Variants in ZDHHC17 observed in about 807,000 individuals in gnomAD.
ZDHHC17 encodes zDHHC palmitoyltransferase 17.
ZDHHC17 carries 40 observed loss-of-function variants against 90.3 expected under a neutral mutation model. The observed-to-expected ratio is 0.44, with a 90% CI of 0.34 to 0.58. The LOEUF is 0.58. Ranked by LOEUF, ZDHHC17 falls within the 20% of genes least tolerant of loss-of-function variation. The pLI, the probability that ZDHHC17 is intolerant of heterozygous loss-of-function variation, is 0.01. For missense variants in ZDHHC17, 614 were observed against 780.8 expected, an observed-to-expected ratio of 0.79 and a Z score of 2.55; for synonymous variants, 235 against 252.4, an observed-to-expected ratio of 0.93 and a Z score of 0.65.
chr12:76,828,220 A>G (rs1394422449), intron 9 of ZDHHC17, among the ~76,000 whole-genome samples, 170 bp from the exon 10 acceptor site: 2 of 152,168 alleles, frequency 1.3e-5, no homozygotes, highest in African/African-American at 4.8e-5. Flanking sequence ...TGAGTCTTTC[A>G]GCTGTGAACT....
chr12:76,780,946 T>G (rs1427240517), intron 1 of ZDHHC17, among the ~76,000 whole-genome samples: 3 of 150,154 alleles, frequency 2.0e-5, no homozygotes, highest in Non-Finnish European at 4.4e-5. Context: ...GCTAACACAG[T>G]GAAACACCGT....
intron 1 of ZDHHC17, among the ~76,000 whole-genome samples, chr12:76,783,318 G>C (rs11115356): frequency 0.011 from 1,683 of 152,326 alleles, 11 homozygotes; most frequent in Non-Finnish European, 0.017. Flanking sequence ...AGTGCCACAT[G>C]GCTGGGGAGG....
At position 76,764,291 on chromosome 12, in the gene ZDHHC17, G is replaced by T; in HGVS notation, c.55G>T (p.Asp19Tyr). The change falls in exon 1 of 17, where the codon GAT becomes TAT. Residue 19 changes from aspartate to tyrosine, a missense_variant. Physicochemically the swap from Asp to Tyr is radical, Grantham distance 160 (BLOSUM62 -3). Transcript: ENST00000426126. ...TKMADGPDEY[D>Y]TEAGCVPLLH... is the part of the protein sequence containing the mutation. ...GATGGCGGACGGCCCGGATGAGTAC[G>T]ATACCGAAGCGGGCTGTGTGCCCCT... is the stretch of plus-strand genomic sequence containing the variant. The T allele has an allele frequency of 6.2e-7, 1 of 1,606,960 alleles. No individual in the cohort carries two copies.
chr12:76,775,107 G>A (rs958321881), intron 1 of ZDHHC17, among the ~76,000 whole-genome samples: 10 of 152,182 alleles, frequency 6.6e-5, no homozygotes, highest in Non-Finnish European at 1.0e-4. Flanking sequence ...GGACCACCAT[G>A]CCCGGCCTCT....
At chr12:76,779,832 TA>T (rs1310047114) in intron 1 of ZDHHC17, among the ~76,000 whole-genome samples, 1 of 152,190 alleles carries the variant, frequency 6.6e-6, no homozygotes, top group Non-Finnish European at 1.5e-5. Context: ...AATTTTGAGT[TA>T]ATTTTTGTAT....
chr12:76,794,328 T>C (rs1321052383), intron 1 of ZDHHC17, among the ~76,000 whole-genome samples: 2 of 152,220 alleles, frequency 1.3e-5, no homozygotes, highest in Admixed American at 6.5e-5. Flanking sequence ...AAATATGTTT[T>C]ATAATTAGAA....
chr12:76,780,577 G>T (rs963462065), intron 1 of ZDHHC17, among the ~76,000 whole-genome samples: 2 of 152,196 alleles, frequency 1.3e-5, no homozygotes, highest in Admixed American at 1.3e-4. Context: ...AAAGTTGTCT[G>T]TACTTGCTGT....
In ZDHHC17 at chr12:76,822,473, C is replaced by G; in HGVS notation, c.839C>G (p.Ala280Gly). The G allele has an allele frequency of 6.2e-7, 1 of 1,612,392 alleles. No homozygotes were observed. Among genetic ancestry groups the G allele is most frequent in the East Asian group, 2.2e-5 (1 of 44,800 alleles). Residue 280 changes from alanine to glycine, a missense_variant, in exon 8 of 17, where the codon GCA (alanine) becomes GGA (glycine). Transcript: ENST00000426126. ...TGGATGATCAACCACTTACAAGAGG[C>G]AAGGCAAGCAAAAGGATATGACAAT... Reference protein sequence around the residue: ...NVWMINHLQEARQAKGYDNPS... With the variant: ...NVWMINHLQEGRQAKGYDNPS...
chr12:76,775,224 A>G (rs1952545630), intron 1 of ZDHHC17, among the ~76,000 whole-genome samples: 1 of 152,224 alleles, frequency 6.6e-6, no homozygotes, highest in Admixed American at 6.5e-5. Context: ...TTGTTTTCTG[A>G]AAACTGTTGA....
chr12:76,817,931 C>G (rs972810256), intron 7 of ZDHHC17, among the ~76,000 whole-genome samples: 3 of 152,014 alleles, frequency 2.0e-5, no homozygotes, highest in Non-Finnish European at 4.4e-5. Context: ...GTAGTTCATG[C>G]GAATACTTTC....
intron 13 of ZDHHC17, 136 bp from the exon 14 acceptor site, chr12:76,846,460 C>A: frequency 1.6e-6 from 1 of 608,990 alleles, no homozygotes; most frequent in Non-Finnish European, 2.8e-6. Context: ...TTCCTGAAAA[C>A]CACTTTATAA....
intron 2 of ZDHHC17, 114 bp from the exon 3 acceptor site, chr12:76,805,203 T>C: frequency 9.8e-7 from 1 of 1,018,548 alleles, no homozygotes; most frequent in Non-Finnish European, 1.4e-6. Flanking sequence ...TGTTGAGAAA[T>C]ACATTTTAAT....
intron 5 of ZDHHC17, among the ~76,000 whole-genome samples, chr12:76,812,103 T>G (rs1220505430): frequency 6.6e-6 from 1 of 152,144 alleles, no homozygotes; most frequent in African/African-American, 2.4e-5. Flanking sequence ...ATACACATAT[T>G]CAAACACTTC....
chr12:76,804,697 G>T (rs538778868), intron 2 of ZDHHC17, among the ~76,000 whole-genome samples: 3 of 152,318 alleles, frequency 2.0e-5, no homozygotes, highest in African/African-American at 7.2e-5. Context: ...TGGGAAGATT[G>T]CAACCCCATA....
At chr12:76,815,258 C>A in intron 6 of ZDHHC17, 48 bp downstream of exon 6, 1 of 1,309,180 alleles carries the variant, frequency 7.6e-7, no homozygotes, top group Non-Finnish European at 1.1e-6. Context: ...CAGCATAATA[C>A]AATATGAAGT....
chr12:76,842,705 G>C lies in ZDHHC17; in HGVS notation c.1267-214G>C, dbSNP rs138165760. ...ACTAAGACAATGGCAGATTCTTATG[G>C]TCTAATCCCCTTTTTTCTGGGCAGC... On this transcript the variant is annotated intron_variant, in intron 11 of 16. Transcript: ENST00000426126. Among the ~76,000 whole-genome samples, 560 of 152,148 alleles carry C rather than the reference G, an allele frequency of 3.7e-3. 6 individuals are homozygous for C. The highest frequency in any genetic ancestry group is 0.012 in the African/African-American group (511 of 41,532).
chr12:76,849,223 G>T (rs1411258125), intron 15 of ZDHHC17, among the ~76,000 whole-genome samples, 153 bp from the exon 16 acceptor site: 4 of 146,816 alleles, frequency 2.7e-5, no homozygotes, highest in Admixed American at 6.8e-5. Flanking sequence ...GTTTTGGGGT[G>T]GGGGGAGGTG....
intron 8 of ZDHHC17, 80 bp from the exon 9 acceptor site, chr12:76,826,828 C>A: frequency 7.2e-7 from 1 of 1,380,536 alleles, no homozygotes; most frequent in Non-Finnish European, 9.5e-7. Flanking sequence ...CTGTTGCATG[C>A]CTTCACAAAG....
intron 8 of ZDHHC17, among the ~76,000 whole-genome samples, chr12:76,826,089 G>A (rs1423052550): frequency 6.6e-6 from 1 of 152,134 alleles, no homozygotes; most frequent in Non-Finnish European, 1.5e-5. Context: ...AAAGTGTTGG[G>A]ATTAAAGGCA....
Sources: gnomAD v4.1 joint callset for allele counts (sites outside exome capture counted in the v4.1 genomes callset) on GRCh38, gnomAD v4.1.1 for gene constraint, MANE v1.5 for transcripts, NCBI Gene and HGNC (gene_info 2026-07-23, HGNC 2026-07-21) for gene names.